The following ALDH7A1 variants were observed in gnomAD, a reference collection of about 807,000 sequenced individuals.
ALDH7A1 encodes the protein aldehyde dehydrogenase 7 family member A1, also known as alpha-aminoadipic semialdehyde dehydrogenase.
In ALDH7A1, 63 loss-of-function variants were observed where a neutral mutation model predicts 79.9. The ratio of observed to expected loss-of-function variants is 0.79; its 90% CI spans 0.64 to 0.97. The LOEUF is 0.97. ALDH7A1 is among the 50% of genes least tolerant of loss of function. The probability of loss-of-function intolerance (pLI) is 0.00; values close to 1 mark genes in which losing one functional copy is unlikely to be tolerated. For missense variants in ALDH7A1, 627 were observed against 665.2 expected, an observed-to-expected ratio of 0.94 and a Z score of 0.63; for synonymous variants, 240 against 231.2, an observed-to-expected ratio of 1.04 and a Z score of -0.34.
chr5:126,575,405 G>A lies in ALDH7A1; in HGVS notation c.695+15C>T. On this transcript the variant is annotated intron_variant, in intron 7 of 17. Transcript: ENST00000409134. ...TTATTCCATACCCAGGAAAAAGAAAGCCACATGTACTTACTTTGTGACAGC... is the reference window on the plus strand; with the variant it reads ...TTATTCCATACCCAGGAAAAAGAAAACCACATGTACTTACTTTGTGACAGC... 1 of 1,612,648 alleles carries A rather than the reference G, an allele frequency of 6.2e-7. No individual in the cohort carries two copies.
intron 12 of ALDH7A1, chr5:126,555,576 T>C (rs1750163792): frequency 1.0e-5 from 2 of 200,718 alleles, no homozygotes; most frequent in Admixed American, 5.2e-5. Context: ...AATTATCTGA[T>C]TGCATTTTAA....
chr5:126,579,675 A>G (rs1751105242), intron 5 of ALDH7A1, among the ~76,000 whole-genome samples: 1 of 152,040 alleles, frequency 6.6e-6, no homozygotes, highest in South Asian at 2.1e-4. Flanking sequence ...ATAGAAGTGT[A>G]AGCTAGGTGT....
At chr5:126,584,078 G>A in intron 3 of ALDH7A1, 66 bp from the exon 4 acceptor site, 3 of 1,276,188 alleles carry the variant, frequency 2.4e-6, no homozygotes, top group Non-Finnish European at 3.4e-6. Context: ...ACACAGTATT[G>A]GATGTGTGCT....
intron 8 of ALDH7A1, chr5:126,570,544 G>T: frequency 2.1e-6 from 1 of 476,406 alleles, no homozygotes. Context: ...GTTATTTCAG[G>T]ATATAAACAC....
intron 7 of ALDH7A1, among the ~76,000 whole-genome samples, chr5:126,571,789 G>A (rs2082978055): frequency 6.6e-6 from 1 of 152,112 alleles, no homozygotes; most frequent in African/African-American, 2.4e-5. Context: ...CAGAGTTAGA[G>A]AAGTTGTAAA....
Position 126,565,250 on chromosome 5 carries a change from G to A in ALDH7A1, c.871+3009C>T, listed in dbSNP as rs565080297. Among the ~76,000 whole-genome samples, 10 of 151,910 alleles carry A rather than the reference G, an allele frequency of 6.6e-5. No individual in the cohort carries two copies. In the South Asian group the frequency reaches 8.3e-4, roughly 13 times the overall value. ...TCTACTAAAAATACAAAAATTAGTCGGACATGGTGGCGCATGCCTGTAATC... is the reference window on the plus strand; with the variant it reads ...TCTACTAAAAATACAAAAATTAGTCAGACATGGTGGCGCATGCCTGTAATC... On this transcript the variant is annotated intron_variant, in intron 9 of 17. Coordinates refer to ENST00000409134, the MANE Select transcript of ALDH7A1 (RefSeq NM_001182.5).
chr5:126,552,046 G>A lies in ALDH7A1; in HGVS notation c.1292C>T (p.Pro431Leu), dbSNP rs151107837. Residue 431 changes from proline (P) to leucine (L), a missense_variant, in exon 14 of 18, where the codon CCG becomes CTG. Transcript: ENST00000409134. ...CTTGAATTTAAAGACATAGAGAATCGGAGCAAAAGTCTCTGTGTGTGCAAT... is the reference window on the plus strand; with the variant it reads ...CTTGAATTTAAAGACATAGAGAATCAGAGCAAAAGTCTCTGTGTGTGCAAT... ...ASIAHTETFAPILYVFKFKNE... is the reference protein window; with the variant it reads ...ASIAHTETFALILYVFKFKNE... The A allele has an allele frequency of 1.1e-5, 17 of 1,613,548 alleles. No homozygotes were observed. The highest frequency in any genetic ancestry group is 6.7e-5 in the East Asian group (3 of 44,872).
rs759866910 is a variant in ALDH7A1, at chr5:126,595,191, C to T, written c.8G>A (p.Arg3His). ...GTGCACACACAGCGCGCGAGGAAGGCGCCACATACTGAGCCCGGGACTCGG... is the reference window on the plus strand; with the variant it reads ...GTGCACACACAGCGCGCGAGGAAGGTGCCACATACTGAGCCCGGGACTCGG... MW[R>H]LPRALCVHAA... is the part of the protein sequence containing the mutation. The change falls in exon 1 of 18, where the codon CGC becomes CAC. Residue 3 changes from arginine to histidine, a missense_variant. Coordinates refer to ENST00000409134, the MANE Select transcript of ALDH7A1 (RefSeq NM_001182.5). The T allele has an allele frequency of 3.2e-4, 489 of 1,551,936 alleles. No individual in the cohort carries two copies. Among genetic ancestry groups the T allele is most frequent in the Non-Finnish European group, 4.1e-4 (469 of 1,147,132 alleles).
At chr5:126,579,190 C>T (rs1186357128) in intron 5 of ALDH7A1, among the ~76,000 whole-genome samples, 1 of 152,258 alleles carries the variant, frequency 6.6e-6, no homozygotes, top group Non-Finnish European at 1.5e-5. Flanking sequence ...TACCACTGCA[C>T]CCTCCAGCTG....
Position 126,575,462 on chromosome 5 carries a change from T to A in ALDH7A1, c.653A>T (p.Lys218Ile). 6.2e-7 allele frequency: 1 copy of A among 1,612,432 alleles called. No homozygotes were observed. The highest frequency in any genetic ancestry group is 1.7e-5 in the Admixed American group (1 of 59,804). ...AATGAGGGAAGTGGTTGGAGCTCCT[T>A]TCCTTAAGAAGGTTAAAACAAAAAA... is the stretch of plus-strand genomic sequence containing the variant. ...AMICGNVCLW[K>I]GAPTTSLISV... The change falls in exon 7 of 18, where the codon AAA becomes ATA. Residue 218 changes from lysine (K) to isoleucine (I), a missense_variant and splice_region_variant. Lys to Ile is a moderately radical substitution (Grantham distance 102). Transcript: ENST00000409134.
chr5:126,554,158 A>G, intron 13 of ALDH7A1, 129 bp downstream of exon 13: 2 of 689,202 alleles, frequency 2.9e-6, no homozygotes, highest in South Asian at 1.7e-5. Context: ...ATAATAATAT[A>G]TATAAATAAA....
At chr5:126,557,172 G>A (rs1042943202) in intron 11 of ALDH7A1, among the ~76,000 whole-genome samples, 3 of 152,068 alleles carry the variant, frequency 2.0e-5, no homozygotes, top group Non-Finnish European at 4.4e-5. Context: ...TAATGTTTAT[G>A]GTGAACAAAT....
intron 15 of ALDH7A1, 59 bp from the exon 16 acceptor site, chr5:126,550,061 A>C: frequency 1.3e-6 from 2 of 1,585,348 alleles, no homozygotes; most frequent in Non-Finnish European, 8.7e-7. Context: ...ACAAACAAAA[A>C]TAAATAAAAA....
In ALDH7A1 at chr5:126,594,934, G is replaced by A. The variant is rs530519966; in HGVS notation, c.192+73C>T. 7.8e-6 allele frequency: 12 copies of A among 1,540,566 alleles called. No homozygotes were observed. The Admixed American group carries it at 7.8e-5, about 10-fold the overall frequency. On this transcript the variant is annotated intron_variant, in intron 1 of 17. Coordinates refer to ENST00000409134, the MANE Select transcript of ALDH7A1 (RefSeq NM_001182.5). ...CCGCATCCAGCGCCAGCGGGGAGTCGGTAGGTCAGTGCCCGCCCGGCCTCC... is the reference window on the plus strand; with the variant it reads ...CCGCATCCAGCGCCAGCGGGGAGTCAGTAGGTCAGTGCCCGCCCGGCCTCC...
At position 126,575,268 on chromosome 5, in the gene ALDH7A1, T is replaced by C. The variant is rs1215143176; in HGVS notation, c.695+152A>G. On this transcript the variant is annotated intron_variant, in intron 7 of 17. Transcript: ENST00000409134. ...AAATGACATGGCACTGAAAGCACTC[T>C]GTATATAAAAATAATATTACAAGCA... 3 of 649,030 alleles carry C rather than the reference T, an allele frequency of 4.6e-6. No individual in the cohort carries two copies. The East Asian group carries it at 9.0e-5, about 19-fold the overall frequency. The allele number at this position is 649,030 out of a possible 1,614,324, so 40.2% of individuals were successfully genotyped here. A position where few individuals can be genotyped will look rare whatever the true frequency, so the allele number is the denominator to read the frequency against.
Position 126,582,920 on chromosome 5 carries a change from A to G in ALDH7A1, c.448T>C (p.Tyr150His), listed in dbSNP as rs1581394805. The change falls in exon 5 of 18, where the codon TAT becomes CAT. Residue 150 changes from tyrosine (Y) to histidine (H), a missense_variant. Tyr to His is a moderately conservative substitution (Grantham distance 83, BLOSUM62 2). Coordinates refer to ENST00000409134, the MANE Select transcript of ALDH7A1 (RefSeq NM_001182.5). ...LVEGVGEVQEYVDICDYAVGL... is the reference protein window; with the variant it reads ...LVEGVGEVQEHVDICDYAVGL... Reference sequence around the variant, plus strand: ...ACAGCATAGTCACAGATATCCACATACTCCTGAACTTCACCCACACCTTCC... The same window carrying G: ...ACAGCATAGTCACAGATATCCACATGCTCCTGAACTTCACCCACACCTTCC... 6.2e-7 allele frequency: 1 copy of G among 1,613,716 alleles called. No individual in the cohort carries two copies. Among genetic ancestry groups the G allele is most frequent in the Non-Finnish European group, 8.5e-7 (1 of 1,179,930 alleles).
chr5:126,579,894 A>G (rs980488057), intron 5 of ALDH7A1, among the ~76,000 whole-genome samples: 2 of 152,174 alleles, frequency 1.3e-5, no homozygotes, highest in Non-Finnish European at 2.9e-5. Context: ...CAGGAGGTCC[A>G]AGCTGCAAGG....
chr5:126,581,820 A>T (rs1243725425), intron 5 of ALDH7A1: 1 of 203,576 alleles, frequency 4.9e-6, no homozygotes, highest in African/African-American at 2.3e-5. Flanking sequence ...TCTACCAAAA[A>T]TACAAAAATT....
chr5:126,552,067 G>C lies in ALDH7A1; in HGVS notation c.1271C>G (p.Ala424Gly). The C allele has an allele frequency of 6.2e-7, 1 of 1,614,006 alleles. No individual in the cohort carries two copies. Among genetic ancestry groups the C allele is most frequent in the South Asian group, 1.1e-5 (1 of 91,052 alleles). ...VTGLGHDASIAHTETFAPILY... is the reference protein window; with the variant it reads ...VTGLGHDASIGHTETFAPILY... ...AATCGGAGCAAAAGTCTCTGTGTGT[G>C]CAATGGACGCATCGTGGCCAAGACC... Residue 424 changes from alanine to glycine, a missense_variant, in exon 14 of 18, where the codon GCA (alanine) becomes GGA (glycine). Physicochemically the swap from Ala to Gly is moderately conservative, Grantham distance 60. Transcript: ENST00000409134.
Sources: allele counts gnomAD v4.1 joint callset (sites outside exome capture counted in the v4.1 genomes callset), GRCh38; gene constraint gnomAD v4.1.1; transcripts MANE v1.5; gene names NCBI Gene and HGNC (gene_info 2026-07-23, HGNC 2026-07-21).